Variants in MACROD2 observed in about 807,000 individuals in gnomAD.
The protein encoded by MACROD2 is mono-ADP ribosylhydrolase 2.
A neutral mutation model predicts 70.4 loss-of-function variants in MACROD2; 36 were observed. That is an observed-to-expected ratio of 0.51 (90% CI 0.39 to 0.68). MACROD2 has a LOEUF of 0.68. Ranked by LOEUF, MACROD2 falls within the 30% of genes least tolerant of loss-of-function variation. The pLI is 0.00. For missense variants in MACROD2, 496 were observed against 538.4 expected, an observed-to-expected ratio of 0.92 and a Z score of 0.78; for synonymous variants, 172 against 178.8, an observed-to-expected ratio of 0.96 and a Z score of 0.30.
At chr20:15,465,055 T>G (rs1399919938) in intron 7 of MACROD2, among the ~76,000 whole-genome samples, 1 of 152,176 alleles carries the variant, frequency 6.6e-6, no homozygotes, top group Non-Finnish European at 1.5e-5. Context: ...TTACTTGATA[T>G]ACTCTCTCCC....
intron 10 of MACROD2, among the ~76,000 whole-genome samples, chr20:15,909,430 T>A (rs1439914028): frequency 6.6e-6 from 1 of 151,702 alleles, no homozygotes; most frequent in African/African-American, 2.4e-5. Flanking sequence ...TTTTAAAAAG[T>A]GGAATGAGAT....
chr20:16,030,112 G>A (rs1346533414), intron 15 of MACROD2, among the ~76,000 whole-genome samples: 1 of 152,180 alleles, frequency 6.6e-6, no homozygotes, highest in South Asian at 2.1e-4. Flanking sequence ...CTCCTGGAAA[G>A]TTCTGAGTCT....
intron 3 of MACROD2, among the ~76,000 whole-genome samples, chr20:14,400,495 A>G (rs1479378319): frequency 6.6e-6 from 1 of 152,196 alleles, no homozygotes; most frequent in Non-Finnish European, 1.5e-5. Flanking sequence ...CTGCCTGTAA[A>G]TCTTGTAGCT....
chr20:14,061,824 A>G (rs904636447), intron 2 of MACROD2, among the ~76,000 whole-genome samples: 1 of 152,162 alleles, frequency 6.6e-6, no homozygotes, highest in Non-Finnish European at 1.5e-5. Context: ...GAATATGTGC[A>G]TAGTTTACAA....
intron 8 of MACROD2, among the ~76,000 whole-genome samples, chr20:15,707,854 G>A (rs1309442453): frequency 6.6e-6 from 1 of 151,986 alleles, no homozygotes; most frequent in African/African-American, 2.4e-5. Context: ...TTATTAGTGT[G>A]ATAAGAAAGA....
intron 2 of MACROD2, among the ~76,000 whole-genome samples, chr20:14,019,015 G>T (rs1278155547): frequency 6.6e-6 from 1 of 152,156 alleles, no homozygotes; most frequent in African/African-American, 2.4e-5. Context: ...TCAGGAGGTA[G>T]TGCAGGGACC....
intron 5 of MACROD2, among the ~76,000 whole-genome samples, chr20:14,924,787 A>G (rs2074208657): frequency 6.6e-6 from 1 of 152,160 alleles, no homozygotes; most frequent in South Asian, 2.1e-4. Flanking sequence ...CACAGATGAA[A>G]GTGAAAATGC....
At chr20:14,596,412 C>CAT (rs5840627) in intron 4 of MACROD2, among the ~76,000 whole-genome samples, 10,120 of 142,880 alleles carry the variant, frequency 0.071, 389 homozygotes, top group Non-Finnish European at 0.086. Flanking sequence ...ATTTTTTAAA[C>CAT]ATATATATAT....
intron 3 of MACROD2, among the ~76,000 whole-genome samples, chr20:14,341,453 C>A (rs1219860323): frequency 6.6e-6 from 1 of 152,030 alleles, no homozygotes; most frequent in Non-Finnish European, 1.5e-5. Context: ...GCCTGGTTAA[C>A]GTGGTGAAAC....
chr20:15,091,810 CTG>C (rs2123166552), intron 5 of MACROD2, among the ~76,000 whole-genome samples: 1 of 152,208 alleles, frequency 6.6e-6, no homozygotes, highest in South Asian at 2.1e-4. Context: ...AGTTTTGACA[CTG>C]TATTTGCTTT....
chr20:15,966,471 A>G (rs1170950347), intron 12 of MACROD2, among the ~76,000 whole-genome samples: 1 of 152,148 alleles, frequency 6.6e-6, no homozygotes, highest in Non-Finnish European at 1.5e-5. Flanking sequence ...GGCAGGTGTG[A>G]TGGCTCACAC....
chr20:14,164,803 A>G (rs2055243229), intron 3 of MACROD2, among the ~76,000 whole-genome samples: 1 of 152,152 alleles, frequency 6.6e-6, no homozygotes, highest in Non-Finnish European at 1.5e-5. Flanking sequence ...ACGCATCTGT[A>G]CTACAGCCCT....
chr20:15,474,065 C>A (rs73254709), intron 7 of MACROD2, among the ~76,000 whole-genome samples: 2 of 151,962 alleles, frequency 1.3e-5, no homozygotes, highest in African/African-American at 4.8e-5. Context: ...AAAATAGGAA[C>A]GAGAATTAAT....
At chr20:15,101,357 A>G (rs113655549) in intron 5 of MACROD2, among the ~76,000 whole-genome samples, 26 of 152,068 alleles carry the variant, frequency 1.7e-4, no homozygotes, top group African/African-American at 6.0e-4. Flanking sequence ...AGTTTAGTTT[A>G]GTTCATCTGC....
At chr20:15,340,217 C>T (rs191650578) in intron 6 of MACROD2, among the ~76,000 whole-genome samples, 1 of 141,702 alleles carries the variant, frequency 7.1e-6, no homozygotes, top group Admixed American at 7.5e-5. Flanking sequence ...CGGCTCACTG[C>T]AACCTCTGCC....
intron 5 of MACROD2, among the ~76,000 whole-genome samples, chr20:14,789,841 G>A (rs1390773358): frequency 6.6e-6 from 1 of 151,614 alleles, no homozygotes; most frequent in Non-Finnish European, 1.5e-5. Flanking sequence ...GAATATAACT[G>A]TATTTACCTT....
At chr20:14,638,341 AG>A (rs1479765053) in intron 4 of MACROD2, among the ~76,000 whole-genome samples, 2 of 152,144 alleles carry the variant, frequency 1.3e-5, no homozygotes, top group African/African-American at 4.8e-5. Context: ...ATGAAAAGAA[AG>A]TCTTTTAAAC....
intron 5 of MACROD2, among the ~76,000 whole-genome samples, chr20:14,921,805 T>C (rs59101597): frequency 0.018 from 2,724 of 152,320 alleles, 66 homozygotes; most frequent in African/African-American, 0.062. Flanking sequence ...AATAGTCCAA[T>C]GAAGAAATTA....
chr20:14,769,779 T>C (rs1449519690), intron 5 of MACROD2, among the ~76,000 whole-genome samples: 1 of 152,122 alleles, frequency 6.6e-6, no homozygotes, highest in East Asian at 1.9e-4. Context: ...ATTTTTGGAG[T>C]ACGGCTATGC....
Sources: gnomAD v4.1 joint callset for allele counts (sites outside exome capture counted in the v4.1 genomes callset) on GRCh38, gnomAD v4.1.1 for gene constraint, MANE v1.5 for transcripts, NCBI Gene and HGNC (gene_info 2026-07-23, HGNC 2026-07-21) for gene names.